Variants in SCHIP1 observed in about 807,000 individuals in gnomAD.
The protein encoded by SCHIP1 is schwannomin-interacting protein 1.
A neutral mutation model predicts 29.7 loss-of-function variants in SCHIP1; 8 were observed. That is an observed-to-expected ratio of 0.27 (90% CI 0.16 to 0.49). The LOEUF is 0.49. Ranked by LOEUF, SCHIP1 falls within the 20% of genes least tolerant of loss-of-function variation. The probability of loss-of-function intolerance (pLI) is 0.99; values close to 1 mark genes in which losing one functional copy is unlikely to be tolerated. For missense variants in SCHIP1, 193 were observed against 294.6 expected, an observed-to-expected ratio of 0.66 and a Z score of 2.52; for synonymous variants, 76 against 94.9, an observed-to-expected ratio of 0.80 and a Z score of 1.16.
At chr3:159,459,957 T>A in the SCHIP1 span, among the ~76,000 whole-genome samples, 2 of 152,144 alleles carry the variant, frequency 1.3e-5, no homozygotes, top group Non-Finnish European at 2.9e-5. Context: ...ACTTCTGGCC[T>A]CCAGAATTAT....
At chr3:159,649,534 T>C in the SCHIP1 span, among the ~76,000 whole-genome samples, 27 of 151,956 alleles carry the variant, frequency 1.8e-4, no homozygotes, top group South Asian at 4.8e-3. Context: ...TGAGAAATAA[T>C]GTCCATCAAA....
the SCHIP1 span, among the ~76,000 whole-genome samples, chr3:159,371,380 C>CCTAA: frequency 1.4e-4 from 21 of 152,082 alleles, no homozygotes; most frequent in African/African-American, 3.9e-4. Context: ...ATTGTAGTTA[C>CCTAA]CTAACTAACT....
At chr3:159,291,800 G>T in the SCHIP1 span, among the ~76,000 whole-genome samples, 1 of 152,010 alleles carries the variant, frequency 6.6e-6, no homozygotes, top group African/African-American at 2.4e-5. Flanking sequence ...AAATGACAAA[G>T]AAGCCAACTG....
At chr3:159,321,087 C>T in the SCHIP1 span, among the ~76,000 whole-genome samples, 1 of 152,156 alleles carries the variant, frequency 6.6e-6, no homozygotes, top group East Asian at 1.9e-4. Context: ...AATTCAGCCT[C>T]CCAAGTAGCT....
intron 1 of SCHIP1, among the ~76,000 whole-genome samples, chr3:159,863,288 C>T (rs974073954): frequency 2.0e-5 from 3 of 151,742 alleles, no homozygotes; most frequent in Non-Finnish European, 4.4e-5. Flanking sequence ...TGCAGTGAGT[C>T]GAAATGGTGC....
chr3:159,443,709 A>G, the SCHIP1 span, among the ~76,000 whole-genome samples: 1 of 152,116 alleles, frequency 6.6e-6, no homozygotes, highest in Non-Finnish European at 1.5e-5. Flanking sequence ...GGGTTTCACC[A>G]TGTTGGCCAG....
the SCHIP1 span, among the ~76,000 whole-genome samples, chr3:159,508,260 G>C: frequency 6.6e-6 from 1 of 152,198 alleles, no homozygotes; most frequent in South Asian, 2.1e-4. Context: ...GCGTAGAGAT[G>C]TTTATAGTAT....
the SCHIP1 span, among the ~76,000 whole-genome samples, chr3:159,478,139 T>C: frequency 1.3e-5 from 2 of 152,000 alleles, no homozygotes; most frequent in African/African-American, 2.4e-5. Context: ...GCCAGGATGG[T>C]CTCGAAATCC....
At chr3:159,314,097 A>T in the SCHIP1 span, among the ~76,000 whole-genome samples, 4 of 152,088 alleles carry the variant, frequency 2.6e-5, no homozygotes, top group Admixed American at 6.6e-5. Flanking sequence ...TCTTTTTGTA[A>T]TTAATAGATA....
chr3:159,824,584 G>A, the SCHIP1 span, among the ~76,000 whole-genome samples: 1 of 152,222 alleles, frequency 6.6e-6, no homozygotes, highest in Non-Finnish European at 1.5e-5. Flanking sequence ...TGTACTCTAT[G>A]TACTCTTGAC....
the SCHIP1 span, among the ~76,000 whole-genome samples, chr3:159,774,683 G>C: frequency 4.6e-5 from 7 of 152,172 alleles, no homozygotes; most frequent in Admixed American, 4.6e-4. Flanking sequence ...TTCAGCCCCA[G>C]GTTGATAGTT....
chr3:159,847,685 C>T (rs2109072011), intron 1 of SCHIP1, among the ~76,000 whole-genome samples: 1 of 152,092 alleles, frequency 6.6e-6, no homozygotes, highest in East Asian at 1.9e-4. Context: ...AACTATGGCC[C>T]ACGATCTTTT....
chr3:159,663,981 G>A, the SCHIP1 span, among the ~76,000 whole-genome samples: 5,544 of 152,078 alleles, frequency 0.036, 189 homozygotes, highest in African/African-American at 0.086. Context: ...TCGCTAACTC[G>A]GTGTGAAAAA....
the SCHIP1 span, among the ~76,000 whole-genome samples, chr3:159,679,251 C>T: frequency 6.6e-6 from 1 of 151,972 alleles, no homozygotes; most frequent in Non-Finnish European, 1.5e-5. Context: ...AAAAAAAAAT[C>T]TCCCTCAAAT....
At chr3:159,470,413 T>C in the SCHIP1 span, among the ~76,000 whole-genome samples, 2 of 152,186 alleles carry the variant, frequency 1.3e-5, no homozygotes, top group African/African-American at 2.4e-5. Flanking sequence ...AATAGCTGAA[T>C]GCAAGATGAA....
the SCHIP1 span, among the ~76,000 whole-genome samples, chr3:159,763,438 C>T: frequency 4.7e-4 from 71 of 152,226 alleles, no homozygotes; most frequent in Middle Eastern, 3.4e-3. Context: ...CAAGAAAATA[C>T]GGGTGTCGGC....
At chr3:159,624,322 A>T in the SCHIP1 span, among the ~76,000 whole-genome samples, 1 of 152,094 alleles carries the variant, frequency 6.6e-6, no homozygotes, top group African/African-American at 2.4e-5. Flanking sequence ...ATAGACCTGT[A>T]CTCTCCAGCT....
the SCHIP1 span, among the ~76,000 whole-genome samples, chr3:159,652,666 G>A: frequency 3.9e-5 from 6 of 152,174 alleles, no homozygotes; most frequent in Non-Finnish European, 8.8e-5. Flanking sequence ...GGGGAGGGGT[G>A]TGCAATGACG....
At chr3:159,756,743 G>A in the SCHIP1 span, among the ~76,000 whole-genome samples, 1 of 152,146 alleles carries the variant, frequency 6.6e-6, no homozygotes, top group African/African-American at 2.4e-5. Flanking sequence ...CAGCACCTAA[G>A]TCACCTTTGG....
Sources: gnomAD v4.1 joint callset for allele counts (sites outside exome capture counted in the v4.1 genomes callset) on GRCh38, gnomAD v4.1.1 for gene constraint, MANE v1.5 for transcripts, NCBI Gene and HGNC (gene_info 2026-07-23, HGNC 2026-07-21) for gene names.